The following HYDIN variants were observed in gnomAD, a reference collection of about 807,000 sequenced individuals.
HYDIN encodes HYDIN axonemal central pair apparatus protein.
A neutral mutation model predicts 403.9 loss-of-function variants in HYDIN; 132 were observed. That is an observed-to-expected ratio of 0.33 (90% CI 0.28 to 0.38). The LOEUF (loss-of-function observed/expected upper bound fraction) is 0.38, where lower values mean the gene tolerates loss of function less well. Ranked by LOEUF, HYDIN falls within the 10% of genes least tolerant of loss-of-function variation. The probability of loss-of-function intolerance (pLI) is 1.00; values close to 1 mark genes in which losing one functional copy is unlikely to be tolerated. For missense variants in HYDIN, 2,827 were observed against 5,009.5 expected (o/e 0.56, Z 13.15); for synonymous variants, 1,202 against 1,891.7 (o/e 0.64, Z 9.46).
At position 71,175,742 on chromosome 16, in the gene HYDIN, C is replaced by T. The variant is rs757283431; in HGVS notation, c.382-1G>A. 2 of 1,614,132 alleles carry T rather than the reference C, an allele frequency of 1.2e-6. No individual in the cohort carries two copies. The highest frequency in any genetic ancestry group is 1.7e-6 in the Non-Finnish European group (2 of 1,179,996). ...CCACAACTTTCACCAACCTTGGAAT[C>T]TGCAGGGAAACACATGATGATGAAC... On this transcript the variant is annotated splice_acceptor_variant, in intron 4 of 85. Transcript: ENST00000393567. LOFTEE classifies it high-confidence loss of function.
intron 75 of HYDIN, among the ~76,000 whole-genome samples, chr16:70,841,046 T>A (rs2037785720): frequency 6.6e-6 from 1 of 152,050 alleles, no homozygotes; most frequent in African/African-American, 2.4e-5. Flanking sequence ...AGAATAAACA[T>A]TCATTTTAAA....
At chr16:71,070,271 C>CTCTCCT (rs1555632579) in intron 13 of HYDIN, among the ~76,000 whole-genome samples, 39 of 147,304 alleles carry the variant, frequency 2.6e-4, no homozygotes, top group Admixed American at 2.0e-3. Context: ...TTCTTTCTCT[C>CTCTCCT]TCCTTCCTTC....
At chr16:71,122,142 C>T (rs973293971) in intron 9 of HYDIN, among the ~76,000 whole-genome samples, 1 of 152,064 alleles carries the variant, frequency 6.6e-6, no homozygotes, top group Non-Finnish European at 1.5e-5. Flanking sequence ...TTCTATAGAG[C>T]GGAGGTAGTT....
At chr16:71,059,408 A>T (rs2082008305) in intron 18 of HYDIN, among the ~76,000 whole-genome samples, 1 of 152,104 alleles carries the variant, frequency 6.6e-6, no homozygotes, top group Non-Finnish European at 1.5e-5. Flanking sequence ...TCTTTTCCCC[A>T]TTGCTTTTGT....
intron 1 of HYDIN, among the ~76,000 whole-genome samples, chr16:71,210,507 G>A (rs2088527471): frequency 6.6e-6 from 1 of 152,046 alleles, no homozygotes; most frequent in Non-Finnish European, 1.5e-5. Context: ...CTACTTGAGG[G>A]AGGAGGGTGG....
intron 73 of HYDIN, among the ~76,000 whole-genome samples, chr16:70,853,780 A>T (rs2038826520): frequency 6.9e-6 from 1 of 145,814 alleles, no homozygotes; most frequent in Non-Finnish European, 1.5e-5. Flanking sequence ...TTGACTCGTC[A>T]ATGTCAATAC....
In HYDIN at chr16:70,803,790, C is replaced by T. The variant is rs1174480969; in HGVS notation, c.*3790G>A. ...CTCACCAATGTTACAGTATTGTCAC[C>T]TCTGACTTGAGGCTCCTAAAGAAGT... On this transcript the variant is annotated 3_prime_UTR_variant, in exon 86 of 86. Transcript: ENST00000393567. Among the ~76,000 whole-genome samples, 1 of 152,138 alleles carries T rather than the reference C, an allele frequency of 6.6e-6. No individual in the cohort carries two copies. The highest frequency in any genetic ancestry group is 1.5e-5 in the Non-Finnish European group (1 of 68,020).
Position 71,024,926 on chromosome 16 carries a change from C to T in HYDIN, c.3186+457G>A, listed in dbSNP as rs1597577657. ...TTTCCTTGTGTGATAACAGAACCTG[C>T]TGCATACGGTTGTTGTGAGGGACTA... On this transcript the variant is annotated intron_variant, in intron 21 of 85. Coordinates refer to ENST00000393567, the MANE Select transcript of HYDIN (RefSeq NM_001270974.2). 2.0e-5 allele frequency among the ~76,000 whole-genome samples: 3 copies of T among 152,218 alleles called. No homozygotes were observed. The South Asian group carries it at 6.2e-4, about 32-fold the overall frequency.
At chr16:71,110,290 TATA>T (rs2083764176) in intron 10 of HYDIN, among the ~76,000 whole-genome samples, 1 of 142,078 alleles carries the variant, frequency 7.0e-6, no homozygotes, top group Non-Finnish European at 1.5e-5. Flanking sequence ...ATATAATAGA[TATA>T]ATAAATATAA....
intron 10 of HYDIN, among the ~76,000 whole-genome samples, chr16:71,097,706 G>A (rs2083314938): frequency 1.4e-5 from 2 of 146,656 alleles, no homozygotes; most frequent in South Asian, 2.2e-4. Flanking sequence ...GAAAATCTTT[G>A]ATAGTTCAAT....
At chr16:71,139,808 T>C (rs1238340410) in intron 7 of HYDIN, among the ~76,000 whole-genome samples, 1 of 151,844 alleles carries the variant, frequency 6.6e-6, no homozygotes, top group East Asian at 1.9e-4. Context: ...AGGAAAGAGA[T>C]AATGAAGCAA....
At chr16:70,956,337 A>G (rs576953301) in intron 39 of HYDIN, among the ~76,000 whole-genome samples, 1 of 152,262 alleles carries the variant, frequency 6.6e-6, no homozygotes, top group East Asian at 1.9e-4. Flanking sequence ...TCATTCAGGG[A>G]TAGTACCGTT....
intron 45 of HYDIN, among the ~76,000 whole-genome samples, chr16:70,922,429 C>A (rs186677120): frequency 6.6e-6 from 1 of 152,156 alleles, no homozygotes; most frequent in African/African-American, 2.4e-5. Flanking sequence ...TGGACTTGGG[C>A]AAATAGATGC....
intron 38 of HYDIN, among the ~76,000 whole-genome samples, chr16:70,960,741 C>G (rs1774268): frequency 1.5e-3 from 218 of 142,670 alleles, no homozygotes; most frequent in African/African-American, 4.3e-3. Context: ...TGCCAGGCTA[C>G]AGTGCAATGG....
chr16:70,872,831 TATCC>T (rs1375310713), intron 64 of HYDIN, among the ~76,000 whole-genome samples: 10 of 128,482 alleles, frequency 7.8e-5, no homozygotes, highest in South Asian at 2.6e-4. Context: ...TCCATCCATA[TATCC>T]ATCCATCATC....
At chr16:70,837,921 C>G in intron 76 of HYDIN, 33 bp from the exon 77 acceptor site, 1 of 1,595,180 alleles carries the variant, frequency 6.3e-7, no homozygotes, top group African/African-American at 1.3e-5. Flanking sequence ...GGCGTAAGCT[C>G]CAAGAAGTCT....
chr16:71,186,992 T>G (rs1414636487), intron 1 of HYDIN, 74 bp from the exon 2 acceptor site: 6 of 951,204 alleles, frequency 6.3e-6, no homozygotes, highest in Non-Finnish European at 9.5e-6. Context: ...TTTTTTAAGC[T>G]TTTTCAAATA....
At chr16:70,891,168 T>A (rs1026399072) in intron 57 of HYDIN, among the ~76,000 whole-genome samples, 3 of 152,098 alleles carry the variant, frequency 2.0e-5, no homozygotes, top group African/African-American at 7.2e-5. Context: ...ATTTCGTGTA[T>A]AGTATTTAAA....
intron 3 of HYDIN, among the ~76,000 whole-genome samples, chr16:71,184,501 T>C (rs1370224573): frequency 6.6e-6 from 1 of 152,128 alleles, no homozygotes; most frequent in Non-Finnish European, 1.5e-5. Flanking sequence ...AACTCCTTCT[T>C]TTCTAGTGGG....
Sources: allele counts gnomAD v4.1 joint callset (sites outside exome capture counted in the v4.1 genomes callset), GRCh38; gene constraint gnomAD v4.1.1; transcripts MANE v1.5; gene names NCBI Gene and HGNC (gene_info 2026-07-23, HGNC 2026-07-21).